The following CSNK2A2IP variants were observed in gnomAD, a reference collection of about 807,000 sequenced individuals.
The protein encoded by CSNK2A2IP is casein kinase II subunit alpha'-interacting protein.
chr3:88,422,541 C>T, the CSNK2A2IP span, among the ~76,000 whole-genome samples: 6 of 152,158 alleles, frequency 3.9e-5, no homozygotes, highest in African/African-American at 1.4e-4. Context: ...AGTTATATCT[C>T]AGCTTTCTAT....
chr3:88,417,518 G>A, the CSNK2A2IP span, among the ~76,000 whole-genome samples: 4 of 152,172 alleles, frequency 2.6e-5, no homozygotes, highest in Admixed American at 6.5e-5. Flanking sequence ...GAAGCAGGCT[G>A]AGAACTAATC....
the CSNK2A2IP span, among the ~76,000 whole-genome samples, chr3:88,463,521 C>A: frequency 2.6e-4 from 39 of 152,192 alleles, no homozygotes; most frequent in African/African-American, 8.9e-4. Context: ...CAAAAGAAGA[C>A]ATTTATGCAG....
the CSNK2A2IP span, among the ~76,000 whole-genome samples, chr3:88,427,116 C>G: frequency 2.6e-5 from 4 of 152,098 alleles, no homozygotes; most frequent in African/African-American, 9.7e-5. Flanking sequence ...GACTAAAATG[C>G]TGATAGTGAT....
chr3:88,428,230 G>A, the CSNK2A2IP span, among the ~76,000 whole-genome samples: 30 of 152,196 alleles, frequency 2.0e-4, no homozygotes, highest in South Asian at 8.3e-4. Context: ...CATTTGGAAC[G>A]GCTGTATTTA....
chr3:88,390,003 A>G, the CSNK2A2IP span, among the ~76,000 whole-genome samples: 10,247 of 152,118 alleles, frequency 0.067, 993 homozygotes, highest in African/African-American at 0.21. Context: ...AATGGTCTGG[A>G]GAACAGAATG....
the CSNK2A2IP span, among the ~76,000 whole-genome samples, chr3:88,420,455 A>G: frequency 2.6e-5 from 4 of 152,154 alleles, no homozygotes; most frequent in African/African-American, 9.7e-5. Flanking sequence ...AGCATGGGGG[A>G]TCTCTTGAGA....
the CSNK2A2IP span, among the ~76,000 whole-genome samples, chr3:88,359,044 T>C: frequency 6.6e-6 from 1 of 151,832 alleles, no homozygotes; most frequent in Non-Finnish European, 1.5e-5. Context: ...GTGCTCTTTT[T>C]TTTTGTAAGT....
At chr3:88,388,665 T>C in the CSNK2A2IP span, among the ~76,000 whole-genome samples, 2 of 152,190 alleles carry the variant, frequency 1.3e-5, no homozygotes, top group African/African-American at 4.8e-5. Flanking sequence ...TGTCCAGTTC[T>C]TTGCCATCTT....
chr3:88,452,477 GATAGAGA>G, the CSNK2A2IP span, among the ~76,000 whole-genome samples: 1 of 152,154 alleles, frequency 6.6e-6, no homozygotes, highest in Non-Finnish European at 1.5e-5. Context: ...TCAAGGTGAG[GATAGAGA>G]ATATAGACAT....
At chr3:88,347,503 A>G in the CSNK2A2IP span, among the ~76,000 whole-genome samples, 1 of 152,110 alleles carries the variant, frequency 6.6e-6, no homozygotes, top group Non-Finnish European at 1.5e-5. Flanking sequence ...AGCCTCCATC[A>G]GCAAAAACAT....
the CSNK2A2IP span, among the ~76,000 whole-genome samples, chr3:88,372,317 C>A: frequency 6.6e-6 from 1 of 151,084 alleles, no homozygotes; most frequent in Non-Finnish European, 1.5e-5. Flanking sequence ...TACCTTTGCA[C>A]CAATCTAACA....
At chr3:88,433,643 C>A in the CSNK2A2IP span, among the ~76,000 whole-genome samples, 3 of 152,110 alleles carry the variant, frequency 2.0e-5, no homozygotes, top group African/African-American at 7.2e-5. Context: ...GAAAAGGCAG[C>A]AGAACTAGAA....
At chr3:88,358,963 A>ATT in the CSNK2A2IP span, among the ~76,000 whole-genome samples, 11 of 139,184 alleles carry the variant, frequency 7.9e-5, no homozygotes, top group African/African-American at 2.6e-4. Context: ...CGGCTCCTGG[A>ATT]TTTTTTTTTT....
At chr3:88,352,301 T>C in the CSNK2A2IP span, among the ~76,000 whole-genome samples, 1 of 152,162 alleles carries the variant, frequency 6.6e-6, no homozygotes, top group East Asian at 1.9e-4. Flanking sequence ...AATGTGTTTG[T>C]TCAATCCCTG....
At chr3:88,446,034 CTTTCTTTCTTTCTTTCTT>C in the CSNK2A2IP span, among the ~76,000 whole-genome samples, 173 of 22,088 alleles carry the variant, frequency 7.8e-3, 4 homozygotes, top group African/African-American at 0.029. Context: ...TGTTTCTTTT[CTTTCTTTCTTTCTTTCTT>C]TCTTTCTTTC....
At chr3:88,451,474 A>C in the CSNK2A2IP span, among the ~76,000 whole-genome samples, 1 of 151,836 alleles carries the variant, frequency 6.6e-6, no homozygotes, top group Non-Finnish European at 1.5e-5. Flanking sequence ...ATAAATTTTA[A>C]ATATGAACTG....
At chr3:88,442,123 T>C in the CSNK2A2IP span, among the ~76,000 whole-genome samples, 1 of 152,214 alleles carries the variant, frequency 6.6e-6, no homozygotes, top group Non-Finnish European at 1.5e-5. Context: ...TTTGTGTGTG[T>C]ATATAATTTC....
chr3:88,368,256 C>G, the CSNK2A2IP span, among the ~76,000 whole-genome samples: 4 of 151,936 alleles, frequency 2.6e-5, no homozygotes, highest in African/African-American at 4.8e-5. Flanking sequence ...AGTAACAAGA[C>G]AGAGCATTTG....
the CSNK2A2IP span, among the ~76,000 whole-genome samples, chr3:88,366,621 C>T: frequency 0.019 from 2,846 of 151,986 alleles, 78 homozygotes; most frequent in African/African-American, 0.063. Context: ...GTTAAAGTTA[C>T]AACCAATTTC....
Sources: gnomAD v4.1 joint callset for allele counts (sites outside exome capture counted in the v4.1 genomes callset) on GRCh38, gnomAD v4.1.1 for gene constraint, MANE v1.5 for transcripts, NCBI Gene and HGNC (gene_info 2026-07-23, HGNC 2026-07-21) for gene names.